NEK5: variants seen among roughly 807,000 people sequenced by gnomAD.
NEK5 encodes serine/threonine-protein kinase Nek5.
In NEK5, 88 loss-of-function variants were observed where a neutral mutation model predicts 109.2. That is an observed-to-expected ratio of 0.81 (90% CI 0.68 to 0.96). NEK5 has a LOEUF of 0.96. Among genes scored for constraint, NEK5 ranks in the 40% least tolerant of loss-of-function variants. The pLI is 0.00. For missense variants in NEK5, 834 were observed against 920.7 expected (o/e 0.91, Z 1.22); for synonymous variants, 283 against 299.9 (o/e 0.94, Z 0.58).
intron 13 of NEK5, among the ~76,000 whole-genome samples, chr13:52,090,856 T>C (rs1955266179): frequency 6.6e-6 from 1 of 152,020 alleles, no homozygotes; most frequent in South Asian, 2.1e-4. Context: ...AAACCCTGTC[T>C]CTTCTAAAAA....
At chr13:52,057,566 C>T (rs1273364309) in intron 22 of NEK5, among the ~76,000 whole-genome samples, 1 of 151,964 alleles carries the variant, frequency 6.6e-6, no homozygotes, top group Non-Finnish European at 1.5e-5. Flanking sequence ...ACTGGCAAAC[C>T]GAATCCAGCA....
intron 3 of NEK5, among the ~76,000 whole-genome samples, chr13:52,123,690 A>G (rs573068168): frequency 6.6e-6 from 1 of 152,306 alleles, no homozygotes; most frequent in South Asian, 2.1e-4. Flanking sequence ...AATAAGGAGG[A>G]GAAGGCACAA....
chr13:52,067,296 G>A (rs552589304), intron 20 of NEK5, among the ~76,000 whole-genome samples: 4 of 152,148 alleles, frequency 2.6e-5, no homozygotes, highest in Non-Finnish European at 5.9e-5. Flanking sequence ...ACATATTGAG[G>A]GAGGAGAAAG....
At chr13:52,061,625 C>G (rs1954615248) in intron 22 of NEK5, among the ~76,000 whole-genome samples, 194 bp downstream of exon 22, 1 of 152,176 alleles carries the variant, frequency 6.6e-6, no homozygotes, top group African/African-American at 2.4e-5. Flanking sequence ...TTACACCACT[C>G]TCCTGGAAAG....
chr13:52,097,945 G>T (rs991045183), intron 12 of NEK5, among the ~76,000 whole-genome samples: 2 of 152,160 alleles, frequency 1.3e-5, no homozygotes, highest in East Asian at 3.9e-4. Flanking sequence ...CTGTTCTTGT[G>T]ATAGTAAGTT....
At position 52,035,982 on chromosome 13, in the gene NEK5, C is replaced by T. The variant is rs1954358585; in HGVS notation, c.*966G>A. The T allele has an allele frequency of 2.0e-5, 3 of 152,102 alleles. No homozygotes were observed. 9.4% of individuals were successfully genotyped at this position (152,102 alleles called of 1,614,324 possible). ...CTATTGCTGTCCTAACAAATTATCA[C>T]AAACTTAGTTAACACAAATTTATTA... On this transcript the variant is annotated 3_prime_UTR_variant, in exon 24 of 24. Coordinates refer to ENST00000684899, the MANE Select transcript of NEK5 (RefSeq NM_001365552.1).
At chr13:52,075,361 T>C (rs1954848689) in intron 19 of NEK5, among the ~76,000 whole-genome samples, 2 of 152,036 alleles carry the variant, frequency 1.3e-5, no homozygotes, top group South Asian at 2.1e-4. Flanking sequence ...GCAAATTACA[T>C]AGGGATAGAA....
chr13:52,042,074 T>C (rs1237870794), intron 23 of NEK5, among the ~76,000 whole-genome samples: 1 of 151,982 alleles, frequency 6.6e-6, no homozygotes, highest in Non-Finnish European at 1.5e-5. Flanking sequence ...AATGAGATGA[T>C]AGTTGATTTG....
chr13:52,073,320 CTT>C (rs111793172), intron 19 of NEK5, among the ~76,000 whole-genome samples: 16 of 143,116 alleles, frequency 1.1e-4, no homozygotes, highest in Admixed American at 2.1e-4. Flanking sequence ...TTTTCTTTCC[CTT>C]TTTTTTTTTT....
intron 3 of NEK5, among the ~76,000 whole-genome samples, chr13:52,122,777 A>G (rs1955995451): frequency 6.6e-6 from 1 of 152,212 alleles, no homozygotes; most frequent in Non-Finnish European, 1.5e-5. Context: ...AAAAAAAAAA[A>G]AGAGTATATC....
intron 21 of NEK5, 99 bp downstream of exon 21, chr13:52,065,385 G>A (rs1323507552): frequency 2.0e-6 from 3 of 1,493,126 alleles, no homozygotes; most frequent in South Asian, 2.3e-5. Context: ...GATCTATAGG[G>A]TGTATAGTGA....
chr13:52,127,903 T>C (rs1956099334), intron 1 of NEK5, among the ~76,000 whole-genome samples: 1 of 152,204 alleles, frequency 6.6e-6, no homozygotes, highest in African/African-American at 2.4e-5. Context: ...TAGTTCAGCC[T>C]TTCTTAGTGG....
At position 52,050,118 on chromosome 13, in the gene NEK5, A is replaced by G. The variant is rs758022394; in HGVS notation, c.2214T>C (p.Ser738=). The change falls in exon 23 of 24, where the codon TCT becomes TCC. Residue 738 remains serine (S), a synonymous_variant. Coordinates refer to ENST00000684899, the MANE Select transcript of NEK5 (RefSeq NM_001365552.1). ...GATCTACTTACGTATCATCATCATC[A>G]GATCTTGGTTCTAGTTGTTCCTCAT... ...EVDEEQLEPR[S]DDDDTNFEES... 4.7e-5 allele frequency: 46 copies of G among 981,488 alleles called. No homozygotes were observed. The highest frequency in any genetic ancestry group is 5.4e-5 in the Non-Finnish European group (45 of 826,076). The allele number at this position is 981,488 out of a possible 1,614,324, so 60.8% of individuals were successfully genotyped here. A position where few individuals can be genotyped will look rare whatever the true frequency, so the allele number is the denominator to read the frequency against.
At chr13:52,124,384 T>C (rs1358812752) in intron 3 of NEK5, among the ~76,000 whole-genome samples, 3 of 152,218 alleles carry the variant, frequency 2.0e-5, no homozygotes, top group Non-Finnish European at 4.4e-5. Flanking sequence ...TATACATATA[T>C]ATGGAGAATA....
At chr13:52,084,756 AGAGAGAGTGTGTGTGTGTGTGTGTGTGT>A (rs1216758520) in intron 16 of NEK5, among the ~76,000 whole-genome samples, 20 of 52,262 alleles carry the variant, frequency 3.8e-4, no homozygotes, top group African/African-American at 8.9e-4. Flanking sequence ...AGAGAGAGAG[AGAGAGAGTGTGTGTGTGTGTGTGTGTGT>A]GTGTGTGTGT....
intron 22 of NEK5, among the ~76,000 whole-genome samples, chr13:52,055,823 G>C (rs1350471115): frequency 6.6e-6 from 1 of 152,082 alleles, no homozygotes; most frequent in South Asian, 2.1e-4. Flanking sequence ...GGAACAACCG[G>C]TACCAGCCAC....
At chr13:52,041,749 A>AAAAAT (rs1954416323) in intron 23 of NEK5, among the ~76,000 whole-genome samples, 1 of 151,034 alleles carries the variant, frequency 6.6e-6, no homozygotes, top group East Asian at 1.9e-4. Context: ...AAAAAAAAAA[A>AAAAAT]AAAATTCACC....
intron 17 of NEK5, among the ~76,000 whole-genome samples, chr13:52,080,708 G>A (rs370717456): frequency 5.9e-5 from 9 of 152,000 alleles, no homozygotes; most frequent in South Asian, 2.1e-4. Flanking sequence ...CTCGTTAAGA[G>A]TCATCACCAC....
At chr13:52,064,556 G>A (rs1194233519) in intron 21 of NEK5, among the ~76,000 whole-genome samples, 7 of 151,646 alleles carry the variant, frequency 4.6e-5, no homozygotes, top group Non-Finnish European at 8.8e-5. Flanking sequence ...GGGCACCTCT[G>A]CCCGGCCGCC....
Sources: allele counts gnomAD v4.1 joint callset (sites outside exome capture counted in the v4.1 genomes callset), GRCh38; gene constraint gnomAD v4.1.1; transcripts MANE v1.5; gene names NCBI Gene and HGNC (gene_info 2026-07-23, HGNC 2026-07-21).